Variants in HS3ST3A1 observed in about 807,000 individuals in gnomAD.
The protein encoded by HS3ST3A1 is heparan sulfate-glucosamine 3-sulfotransferase 3A1.
In HS3ST3A1, 19 loss-of-function variants were observed where a neutral mutation model predicts 25.7. That is an observed-to-expected ratio of 0.74 (90% CI 0.52 to 1.08). The LOEUF (loss-of-function observed/expected upper bound fraction) is 1.08. Among genes scored for constraint, HS3ST3A1 ranks in the 50% least tolerant of loss-of-function variants. The pLI is 0.00. For missense variants in HS3ST3A1, 459 were observed against 594.3 expected (o/e 0.77, Z 2.37); for synonymous variants, 226 against 278.6 (o/e 0.81, Z 1.88).
intron 1 of HS3ST3A1, among the ~76,000 whole-genome samples, chr17:13,506,315 T>C (rs535595630): frequency 5.9e-5 from 9 of 152,278 alleles, no homozygotes; most frequent in African/African-American, 2.2e-4. Flanking sequence ...CCTCGATTTC[T>C]TCATAAACAA....
chr17:13,530,993 T>C (rs1005779233), intron 1 of HS3ST3A1, among the ~76,000 whole-genome samples: 1 of 152,166 alleles, frequency 6.6e-6, no homozygotes, highest in Non-Finnish European at 1.5e-5. Flanking sequence ...CAGAATCAGA[T>C]GCTATTGAGT....
intron 1 of HS3ST3A1, among the ~76,000 whole-genome samples, chr17:13,596,403 G>C (rs977751945): frequency 2.6e-5 from 3 of 113,826 alleles, no homozygotes; most frequent in Non-Finnish European, 5.5e-5. Flanking sequence ...GCATGTGTGA[G>C]GGTGTGCGCG....
At chr17:13,522,230 G>GT (rs1330784179) in intron 1 of HS3ST3A1, among the ~76,000 whole-genome samples, 8 of 113,580 alleles carry the variant, frequency 7.0e-5, no homozygotes, top group Non-Finnish European at 1.4e-4. Flanking sequence ...ATGGATTATG[G>GT]TAAAAAAAAA....
Position 13,494,864 on chromosome 17 carries a change from A to G in HS3ST3A1, c.*1333T>C, listed in dbSNP as rs1483067531. Among the ~76,000 whole-genome samples the G allele has an allele frequency of 6.6e-6, 1 of 152,220 alleles. No individual in the cohort carries two copies. Among genetic ancestry groups the G allele is most frequent in the Non-Finnish European group, 1.5e-5 (1 of 68,030 alleles). On this transcript the variant is annotated 3_prime_UTR_variant, in exon 2 of 2. Transcript: ENST00000284110. ...AGGAAAAGCCACCATTTTACCCACA[A>G]ATGCATTTCCTAGAATATTTTTCCA...
chr17:13,547,816 TG>T (rs1237875192), intron 1 of HS3ST3A1, among the ~76,000 whole-genome samples: 1 of 151,894 alleles, frequency 6.6e-6, no homozygotes, highest in Non-Finnish European at 1.5e-5. Context: ...GGGGCAGCCT[TG>T]TGGGAGGGAC....
intron 1 of HS3ST3A1, among the ~76,000 whole-genome samples, chr17:13,560,646 A>C (rs531314553): frequency 5.1e-4 from 77 of 152,294 alleles, no homozygotes; most frequent in African/African-American, 1.8e-3. Flanking sequence ...AAGTGAGCTG[A>C]CTAACAATAT....
chr17:13,507,608 C>T (rs1394070739), intron 1 of HS3ST3A1, among the ~76,000 whole-genome samples: 1 of 152,180 alleles, frequency 6.6e-6, no homozygotes, highest in Non-Finnish European at 1.5e-5. Context: ...ACACGTTTTT[C>T]AAAGGCTATC....
At chr17:13,508,879 G>A (rs376322395) in intron 1 of HS3ST3A1, among the ~76,000 whole-genome samples, 3 of 152,110 alleles carry the variant, frequency 2.0e-5, no homozygotes, top group African/African-American at 7.2e-5. Context: ...CTTCCCCACC[G>A]TGGGGCCATC....
At chr17:13,521,849 C>T (rs1489310543) in intron 1 of HS3ST3A1, among the ~76,000 whole-genome samples, 2 of 152,150 alleles carry the variant, frequency 1.3e-5, no homozygotes, top group Non-Finnish European at 2.9e-5. Context: ...AACCCCAACA[C>T]GACTGACGTT....
At chr17:13,529,633 T>A (rs369268296) in intron 1 of HS3ST3A1, among the ~76,000 whole-genome samples, 1 of 152,182 alleles carries the variant, frequency 6.6e-6, no homozygotes, top group South Asian at 2.1e-4. Context: ...AAAAATCCAT[T>A]TATGTTTGTT....
intron 1 of HS3ST3A1, among the ~76,000 whole-genome samples, chr17:13,574,461 G>T (rs568077141): frequency 6.6e-6 from 1 of 151,042 alleles, no homozygotes; most frequent in Non-Finnish European, 1.5e-5. Flanking sequence ...GCTCACACCT[G>T]TAATCCCAGC....
At position 13,577,125 on chromosome 17, in the gene HS3ST3A1, T is replaced by C. The variant is rs541160767; in HGVS notation, c.599+23406A>G. Among the ~76,000 whole-genome samples the C allele has an allele frequency of 3.9e-3, 595 of 152,308 alleles. 5 individuals carry two copies. Among genetic ancestry groups the C allele is most frequent in the Middle Eastern group, 0.014 (4 of 292 alleles). ...CAGATCTCTTGAGACTTATTCACTA[T>C]TGCAAGAACAGCACAGGAAGGATCC... On this transcript the variant is annotated intron_variant, in intron 1 of 1. Transcript: ENST00000284110.
intron 1 of HS3ST3A1, among the ~76,000 whole-genome samples, chr17:13,571,459 T>C (rs907409597): frequency 1.3e-5 from 2 of 152,200 alleles, no homozygotes; most frequent in South Asian, 2.1e-4. Context: ...GAAAATCGCT[T>C]TCTGAGGGCA....
At chr17:13,525,904 T>C (rs1316680685) in intron 1 of HS3ST3A1, among the ~76,000 whole-genome samples, 2 of 151,754 alleles carry the variant, frequency 1.3e-5, no homozygotes, top group South Asian at 2.1e-4. Flanking sequence ...AAATTAAAAG[T>C]CAAATAAATA....
chr17:13,593,295 G>T (rs1908484423), intron 1 of HS3ST3A1, among the ~76,000 whole-genome samples: 1 of 147,088 alleles, frequency 6.8e-6, no homozygotes, highest in South Asian at 2.1e-4. Flanking sequence ...CCTTATTTTA[G>T]TTTTTAGCTC....
At position 13,600,611 on chromosome 17, in the gene HS3ST3A1, G is replaced by A. The variant is rs954538422; in HGVS notation, c.519C>T (p.Arg173=). ...GGTRALLEFL[R]VHPDVRAVGA... ...CCACGGCGCGCACGTCGGGGTGCAC[G>A]CGCAGGAACTCCAGCAGCGCCCGCG... Residue 173 remains arginine, a synonymous_variant, in exon 1 of 2, where the codon CGC becomes CGT. Transcript: ENST00000284110. 6.3e-7 allele frequency: 1 copy of A among 1,599,534 alleles called. No homozygotes were observed. The highest frequency in any genetic ancestry group is 8.5e-7 in the Non-Finnish European group (1 of 1,177,746).
At position 13,496,500 on chromosome 17, in the gene HS3ST3A1, C is replaced by T; in HGVS notation, c.918G>A (p.Gln306=). 1 of 1,448,508 alleles carries T rather than the reference C, an allele frequency of 6.9e-7. No individual in the cohort carries two copies. The highest frequency in any genetic ancestry group is 9.4e-7 in the Non-Finnish European group (1 of 1,059,534). 89.7% of individuals were successfully genotyped at this position (1,448,508 alleles called of 1,614,324 possible). A position where few individuals can be genotyped will look rare whatever the true frequency, so the allele number is the denominator to read the frequency against. ...EHWLRHFPIR[Q]MLFVSGERLI... Reference sequence around the variant, plus strand: ...GCCGCTCGCCGCTCACGAAGAGCATCTGGCGGATGGGGAAGTGGCGCAGCC... The same window carrying T: ...GCCGCTCGCCGCTCACGAAGAGCATTTGGCGGATGGGGAAGTGGCGCAGCC... The change falls in exon 2 of 2, where the codon CAG becomes CAA. Residue 306 remains glutamine, a synonymous_variant. Coordinates refer to ENST00000284110, the MANE Select transcript of HS3ST3A1 (RefSeq NM_006042.3).
At chr17:13,503,672 C>G (rs1905563759) in intron 1 of HS3ST3A1, among the ~76,000 whole-genome samples, 1 of 152,210 alleles carries the variant, frequency 6.6e-6, no homozygotes, top group Middle Eastern at 3.4e-3. Flanking sequence ...AACACAATAC[C>G]ATACTATGAC....
intron 1 of HS3ST3A1, among the ~76,000 whole-genome samples, chr17:13,598,685 T>C (rs1041352701): frequency 1.1e-4 from 17 of 152,112 alleles, no homozygotes; most frequent in South Asian, 4.2e-4. Context: ...TTCTTTCTTT[T>C]TTTTAAAAAA....
Sources: allele counts gnomAD v4.1 joint callset (sites outside exome capture counted in the v4.1 genomes callset), GRCh38; gene constraint gnomAD v4.1.1; transcripts MANE v1.5; gene names NCBI Gene and HGNC (gene_info 2026-07-23, HGNC 2026-07-21).